Variants in AHCY observed in about 807,000 individuals in gnomAD.
The protein encoded by AHCY is S-adenosyl-L-homocysteine hydrolase.
A neutral mutation model predicts 45.4 loss-of-function variants in AHCY; 24 were observed. That is an observed-to-expected ratio of 0.53 (90% CI 0.38 to 0.74). The LOEUF is 0.74. AHCY is among the 30% of genes least tolerant of loss of function. The pLI, the probability that AHCY is intolerant of heterozygous loss-of-function variation, is 0.00. For missense variants in AHCY, 449 were observed against 594.1 expected (o/e 0.76, Z 2.54); for synonymous variants, 245 against 235.1 (o/e 1.04, Z -0.39).
At chr20:34,246,558 G>A in the AHCY span, 79 of 865,894 alleles carry the variant, frequency 9.1e-5, no homozygotes, top group Middle Eastern at 3.4e-4. Flanking sequence ...CTCTGCCTCC[G>A]GGCTCAAGCA....
chr20:34,257,985 A>C, the AHCY span, among the ~76,000 whole-genome samples: 2 of 152,120 alleles, frequency 1.3e-5, no homozygotes, highest in Non-Finnish European at 2.9e-5. Flanking sequence ...CTCTACAAAA[A>C]ATACAAAAAT....
chr20:34,263,669 T>A, the AHCY span, among the ~76,000 whole-genome samples: 1 of 151,452 alleles, frequency 6.6e-6, no homozygotes, highest in Non-Finnish European at 1.5e-5. Context: ...GTCTTTTTTT[T>A]TTTTTCTTTT....
Position 34,290,361 on chromosome 20 carries a change from C to T in AHCY, c.943G>A (p.Ala315Thr), listed in dbSNP as rs761797188. The change falls in exon 8 of 10, where the codon GCC becomes ACC. Residue 315 changes from alanine (A) to threonine (T), a missense_variant. By Grantham distance (58) the Ala-to-Thr change is moderately conservative. Coordinates refer to ENST00000217426, the MANE Select transcript of AHCY (RefSeq NM_000687.4). The surrounding 1 kb of genome is among the most constrained non-coding windows in gnomAD (Gnocchi z 4.5). ...EIDVKWLNENAVEKVNIKPQV... is the reference protein window; with the variant it reads ...EIDVKWLNENTVEKVNIKPQV... Reference sequence around the variant, plus strand: ...GGCTTGATGTTCACCTTCTCCACGGCGTTCTCGTTGAGCCACTTGACATCG... The same window carrying T: ...GGCTTGATGTTCACCTTCTCCACGGTGTTCTCGTTGAGCCACTTGACATCG... 9.3e-6 allele frequency: 15 copies of T among 1,613,968 alleles called. No homozygotes were observed. Among genetic ancestry groups the T allele is most frequent in the South Asian group, 1.1e-5 (1 of 91,090 alleles).
downstream of AHCY, among the ~76,000 whole-genome samples, chr20:34,277,249 G>A (rs1456672013): frequency 1.2e-4 from 19 of 152,226 alleles, no homozygotes; most frequent in South Asian, 2.1e-4. Flanking sequence ...ACATGGACTC[G>A]GGTGGGACAC....
intron 2 of AHCY, among the ~76,000 whole-genome samples, chr20:34,294,986 T>A (rs570580181): frequency 6.6e-6 from 1 of 152,198 alleles, no homozygotes; most frequent in South Asian, 2.1e-4. Context: ...AGGAGAGCTG[T>A]TAATCATTGG....
chr20:34,290,750 T>C lies in AHCY; in HGVS notation c.747A>G (p.Ala249=), dbSNP rs1303138211. The C allele has an allele frequency of 6.2e-7, 1 of 1,613,834 alleles. No individual in the cohort carries two copies. The highest frequency in any genetic ancestry group is 1.1e-5 in the South Asian group (1 of 91,056). ...VIITEIDPIN[A]LQAAMEGYEV... Reference sequence around the variant, plus strand: ...TCCTACCCTCCATGGCAGCCTGCAGTGCGTTGATGGGGTCAATCTCGGTGA... The same window carrying C: ...TCCTACCCTCCATGGCAGCCTGCAGCGCGTTGATGGGGTCAATCTCGGTGA... The change falls in exon 6 of 10, where the codon GCA becomes GCG. Residue 249 remains alanine (A), a synonymous_variant. Coordinates refer to ENST00000217426, the MANE Select transcript of AHCY (RefSeq NM_000687.4). This position sits in a 1 kb window ranked among gnomAD's most constrained non-coding sequence, Gnocchi z 4.5.
intron 8 of AHCY, among the ~76,000 whole-genome samples, chr20:34,289,189 T>C (rs1474459469): frequency 6.6e-6 from 1 of 151,942 alleles, no homozygotes; most frequent in Non-Finnish European, 1.5e-5. Flanking sequence ...TTTGTTTGTT[T>C]TTGAGACAGA....
chr20:34,238,255 T>C, the AHCY span, among the ~76,000 whole-genome samples: 1 of 152,170 alleles, frequency 6.6e-6, no homozygotes, highest in Non-Finnish European at 1.5e-5. Context: ...CTCTTCTCCT[T>C]CTGGGATGGC....
At chr20:34,298,496 A>G (rs1462632582) in intron 1 of AHCY, among the ~76,000 whole-genome samples, 1 of 151,730 alleles carries the variant, frequency 6.6e-6, no homozygotes, top group Non-Finnish European at 1.5e-5. Flanking sequence ...TCTAGCGGTG[A>G]CGCCAGCGTC....
intron 1 of AHCY, chr20:34,301,676 GC>G (rs2036776707): frequency 7.0e-6 from 3 of 431,302 alleles, no homozygotes; most frequent in African/African-American, 6.5e-5. Flanking sequence ...CAACCCAATG[GC>G]CCCAATCCTG....
At chr20:34,288,653 A>C (rs902001047) in intron 8 of AHCY, among the ~76,000 whole-genome samples, 21 of 152,192 alleles carry the variant, frequency 1.4e-4, no homozygotes, top group African/African-American at 5.1e-4. Flanking sequence ...CTTGGGTAAC[A>C]GAGTGAGCCC....
chr20:34,306,012 G>A (rs2122845922), upstream of AHCY, among the ~76,000 whole-genome samples: 1 of 149,100 alleles, frequency 6.7e-6, no homozygotes, highest in African/African-American at 2.5e-5. Context: ...AACCCAGGAG[G>A]CGGATGTTGC....
the AHCY span, among the ~76,000 whole-genome samples, chr20:34,258,709 T>TATATATATATACACATACTATA: frequency 3.2e-5 from 1 of 31,170 alleles, no homozygotes; most frequent in Non-Finnish European, 7.1e-5. Flanking sequence ...TATATATATA[T>TATATATATATACACATACTATA]TATATATATT....
intron 1 of AHCY, among the ~76,000 whole-genome samples, chr20:34,310,158 A>C (rs1001435276): frequency 2.0e-5 from 3 of 151,980 alleles, no homozygotes; most frequent in Non-Finnish European, 4.4e-5. Context: ...GGTTCAAGCG[A>C]TTCTCCTGCC....
the AHCY span, chr20:34,269,479 T>TGCC: frequency 2.6e-6 from 1 of 389,754 alleles, no homozygotes; most frequent in African/African-American, 2.1e-5. Flanking sequence ...TCACCGCTGC[T>TGCC]GCCGACCTGG....
the AHCY span, among the ~76,000 whole-genome samples, chr20:34,238,587 T>C: frequency 5.9e-5 from 9 of 152,306 alleles, no homozygotes; most frequent in African/African-American, 2.2e-4. Context: ...CACATCTTCC[T>C]TTAGTTCTCT....
At chr20:34,263,015 G>A in the AHCY span, 3 of 1,145,016 alleles carry the variant, frequency 2.6e-6, no homozygotes, top group Non-Finnish European at 3.7e-6. Context: ...ATTAACAAAA[G>A]AAACTGAAAG....
At chr20:34,253,447 TTTTA>T in the AHCY span, among the ~76,000 whole-genome samples, 360 of 103,806 alleles carry the variant, frequency 3.5e-3, 1 homozygote, top group Middle Eastern at 9.4e-3. Flanking sequence ...TTTTATTTTA[TTTTA>T]TTTATTTATT....
At chr20:34,255,138 C>A in the AHCY span, among the ~76,000 whole-genome samples, 2 of 152,110 alleles carry the variant, frequency 1.3e-5, no homozygotes, top group Non-Finnish European at 2.9e-5. Context: ...GTGTTCAGAG[C>A]AAGTGATCAC....
Sources: gnomAD v4.1 joint callset for allele counts (sites outside exome capture counted in the v4.1 genomes callset) on GRCh38, gnomAD v4.1.1 for gene constraint, Gnocchi (gnomAD v3.1) non-coding constraint, MANE v1.5 for transcripts, NCBI Gene and HGNC (gene_info 2026-07-23, HGNC 2026-07-21) for gene names.